Variants in ZNF385D observed in about 807,000 individuals in gnomAD.
The protein encoded by ZNF385D is zinc finger protein 385D.
A neutral mutation model predicts 35.8 loss-of-function variants in ZNF385D; 15 were observed. That is an observed-to-expected ratio of 0.42 (90% CI 0.28 to 0.64). ZNF385D has a LOEUF of 0.64. ZNF385D is among the 30% of genes least tolerant of loss of function. The pLI is 0.23. For synonymous variants in ZNF385D, 212 were observed against 186.8 expected, an observed-to-expected ratio of 1.13 and a Z score of -1.10; for missense variants, 474 against 494.6, an observed-to-expected ratio of 0.96 and a Z score of 0.39.
intron 3 of ZNF385D, among the ~76,000 whole-genome samples, chr3:22,086,649 C>T (rs569340729): frequency 6.6e-6 from 1 of 152,218 alleles, no homozygotes; most frequent in East Asian, 1.9e-4. Flanking sequence ...TTTGTTGTGG[C>T]ACTATTCACA....
intron 3 of ZNF385D, among the ~76,000 whole-genome samples, chr3:21,923,711 A>G (rs539324297): frequency 1.3e-5 from 2 of 152,294 alleles, no homozygotes; most frequent in South Asian, 4.1e-4. Flanking sequence ...TTGCAGCAAC[A>G]TGGATGCAGT....
chr3:22,231,905 A>C (rs1244613988), intron 2 of ZNF385D, among the ~76,000 whole-genome samples: 3 of 151,988 alleles, frequency 2.0e-5, no homozygotes, highest in African/African-American at 4.8e-5. Flanking sequence ...GTTGTTTAAG[A>C]GTATATGGCA....
chr3:22,246,031 TAG>T (rs1457272720), intron 2 of ZNF385D, among the ~76,000 whole-genome samples: 2 of 152,270 alleles, frequency 1.3e-5, no homozygotes, highest in African/African-American at 4.8e-5. Context: ...TTTTGCTTTC[TAG>T]ACACACAACA....
intron 3 of ZNF385D, among the ~76,000 whole-genome samples, chr3:22,049,599 C>T (rs369395297): frequency 6.6e-6 from 1 of 152,196 alleles, no homozygotes; most frequent in Non-Finnish European, 1.5e-5. Context: ...GCTTCCTAAT[C>T]TTAGAGGAAA....
At chr3:21,555,826 C>A (rs1272702274) in intron 3 of ZNF385D, among the ~76,000 whole-genome samples, 1 of 152,150 alleles carries the variant, frequency 6.6e-6, no homozygotes, top group Admixed American at 6.5e-5. Flanking sequence ...TACACTTGCA[C>A]CAACAGTGTA....
intron 2 of ZNF385D, among the ~76,000 whole-genome samples, chr3:21,599,428 A>G (rs1449905237): frequency 1.2e-4 from 18 of 152,206 alleles, no homozygotes; most frequent in Non-Finnish European, 7.3e-5. Context: ...ATTTTTCCTA[A>G]GTTGCCAAAA....
At chr3:22,013,526 A>G (rs1309294683) in intron 3 of ZNF385D, among the ~76,000 whole-genome samples, 1 of 152,150 alleles carries the variant, frequency 6.6e-6, no homozygotes, top group African/African-American at 2.4e-5. Flanking sequence ...GTCTCCAAAT[A>G]AAGATTTGAA....
At chr3:21,665,957 C>A (rs62237415) in intron 1 of ZNF385D, among the ~76,000 whole-genome samples, 16,689 of 152,160 alleles carry the variant, frequency 0.11, 1,011 homozygotes, top group East Asian at 0.16. Flanking sequence ...GAGAGGCAAG[C>A]AACAGACTGT....
rs147880399 is a variant in ZNF385D at position 21,950,502 on chromosome 3, G to C, written c.325+218315C>G. On this transcript the variant is annotated intron_variant, in intron 3 of 5. Transcript: ENST00000494108. ...AAAATCTTCTCCCATTCTGTAGGTTGCCTGTTCACTCTGATGATAGTTTCT... is the reference window on the plus strand; with the variant it reads ...AAAATCTTCTCCCATTCTGTAGGTTCCCTGTTCACTCTGATGATAGTTTCT... Among the ~76,000 whole-genome samples the C allele has an allele frequency of 6.3e-3, 952 of 151,758 alleles. 38 individuals are homozygous for C. The highest frequency in any genetic ancestry group is 0.022 in the African/African-American group (911 of 41,086).
intron 3 of ZNF385D, among the ~76,000 whole-genome samples, chr3:21,961,111 G>A (rs981294542): frequency 2.0e-5 from 3 of 151,928 alleles, no homozygotes; most frequent in Non-Finnish European, 4.4e-5. Context: ...GAGGAGACAC[G>A]TGTTAATTAT....
At chr3:22,292,419 C>A (rs541861104) in intron 2 of ZNF385D, among the ~76,000 whole-genome samples, 2 of 152,028 alleles carry the variant, frequency 1.3e-5, no homozygotes, top group East Asian at 3.9e-4. Flanking sequence ...ATAAATAAAG[C>A]CATTGTAGGC....
In ZNF385D at chr3:21,905,689, A is replaced by AATATAT. The variant is rs4044583; in HGVS notation, c.326-240667_326-240662dup. On this transcript the variant is annotated intron_variant, in intron 3 of 5. Coordinates refer to the ZNF385D transcript ENST00000494108. The stretch of plus-strand genomic sequence containing the variant: ...AGGTTATTCAAGGATCATCTGTGGT[A>AATATAT]ATATATATATATATATATATATTCA... Among the ~76,000 whole-genome samples, 1,249 of 148,798 alleles carry AATATAT rather than the reference A, an allele frequency of 8.4e-3. 10 individuals carry two copies. Among genetic ancestry groups the AATATAT allele is most frequent in the Non-Finnish European group, 0.011 (736 of 67,084 alleles).
intron 3 of ZNF385D, among the ~76,000 whole-genome samples, chr3:22,075,931 G>A (rs1009869111): frequency 2.6e-5 from 4 of 151,842 alleles, no homozygotes; most frequent in Admixed American, 1.3e-4. Context: ...GTCAATCTCC[G>A]AATGTGGTGA....
intron 2 of ZNF385D, among the ~76,000 whole-genome samples, chr3:22,173,344 G>A (rs75797150): frequency 6.6e-6 from 1 of 152,232 alleles, no homozygotes; most frequent in East Asian, 1.9e-4. Flanking sequence ...TTATTAGTTC[G>A]TTAGTTGTAA....
At chr3:21,962,912 C>T (rs767478899) in intron 3 of ZNF385D, among the ~76,000 whole-genome samples, 4 of 152,052 alleles carry the variant, frequency 2.6e-5, no homozygotes, top group Non-Finnish European at 4.4e-5. Context: ...TATGTGAGGG[C>T]GACCATGTAA....
chr3:21,984,905 G>T (rs1222604487), intron 3 of ZNF385D, among the ~76,000 whole-genome samples: 1 of 141,700 alleles, frequency 7.1e-6, no homozygotes, highest in Admixed American at 7.0e-5. Flanking sequence ...TGGATTCCTA[G>T]GTATTTTATT....
intron 1 of ZNF385D, among the ~76,000 whole-genome samples, chr3:21,677,424 C>T (rs2066763734): frequency 6.6e-6 from 1 of 152,066 alleles, no homozygotes; most frequent in Non-Finnish European, 1.5e-5. Flanking sequence ...TAATTCCCAT[C>T]CATTTTGCTC....
chr3:21,939,629 A>G (rs1701421744), intron 3 of ZNF385D, among the ~76,000 whole-genome samples: 1 of 152,210 alleles, frequency 6.6e-6, no homozygotes, highest in African/African-American at 2.4e-5. Context: ...GAAAATATAG[A>G]TGAATGGAGA....
chr3:21,814,949 C>T (rs1017875252), intron 3 of ZNF385D, among the ~76,000 whole-genome samples: 1 of 152,118 alleles, frequency 6.6e-6, no homozygotes, highest in Non-Finnish European at 1.5e-5. Context: ...CACTCCTCAG[C>T]AAATGTAAAA....
Sources: gnomAD v4.1 joint callset for allele counts (sites outside exome capture counted in the v4.1 genomes callset) on GRCh38, gnomAD v4.1.1 for gene constraint, MANE v1.5 for transcripts, NCBI Gene and HGNC (gene_info 2026-07-23, HGNC 2026-07-21) for gene names.